Variants in KANSL1 observed in about 807,000 individuals in gnomAD.
KANSL1 encodes the protein MLL1/MLL complex subunit KANSL1.
In KANSL1, 22 loss-of-function variants were observed where a neutral mutation model predicts 103.6. The ratio of observed to expected loss-of-function variants is 0.21; its 90% CI spans 0.15 to 0.30. The LOEUF (loss-of-function observed/expected upper bound fraction) is 0.30. KANSL1 is among the 10% of genes least tolerant of loss of function. The pLI is 1.00. For synonymous variants in KANSL1, 600 were observed against 527.6 expected, an observed-to-expected ratio of 1.14 and a Z score of -1.88; for missense variants, 1,337 against 1,399.8, an observed-to-expected ratio of 0.96 and a Z score of 0.72.
In KANSL1 at chr17:46,170,894, T is replaced by C. The variant is rs2046249754; in HGVS notation, c.1250A>G (p.Glu417Gly). The C allele has an allele frequency of 6.2e-7, 1 of 1,613,684 alleles. No individual in the cohort carries two copies. The highest frequency in any genetic ancestry group is 8.5e-7 in the Non-Finnish European group (1 of 1,179,816). Reference sequence around the variant, plus strand: ...CTGCTCGGGATCAGCTCTGGTCAGTTCTTCCTCTTCAATATCAGACTCCCC... The same window carrying C: ...CTGCTCGGGATCAGCTCTGGTCAGTCCTTCCTCTTCAATATCAGACTCCCC... ...SGGESDIEEEELTRADPEQRH... is the reference protein window; with the variant it reads ...SGGESDIEEEGLTRADPEQRH... The change falls in exon 2 of 15, where the codon GAA becomes GGA. Residue 417 changes from glutamate (E) to glycine (G), a missense_variant. This residue lies in a region of KANSL1 where 780 missense variants were observed against 923.4 expected (regional missense o/e 0.84). Transcript: ENST00000432791.
At chr17:46,037,061 G>A (rs919550432) in intron 10 of KANSL1, among the ~76,000 whole-genome samples, 2 of 152,124 alleles carry the variant, frequency 1.3e-5, no homozygotes, top group African/African-American at 4.8e-5. Flanking sequence ...ACTTGGCAAT[G>A]AGAGAGCCTC....
chr17:46,090,306 G>A (rs1023278238), intron 3 of KANSL1, among the ~76,000 whole-genome samples: 17 of 152,180 alleles, frequency 1.1e-4, no homozygotes, highest in Admixed American at 3.3e-4. Flanking sequence ...CCTCCAGAAC[G>A]GTGAGAGAAC....
At chr17:46,079,087 A>G (rs1283340287) in intron 4 of KANSL1, among the ~76,000 whole-genome samples, 1 of 152,186 alleles carries the variant, frequency 6.6e-6, no homozygotes, top group Non-Finnish European at 1.5e-5. Context: ...CCCTTTCTCT[A>G]ACCCACTACT....
chr17:46,220,228 T>TTG (rs1214557494), intron 1 of KANSL1, among the ~76,000 whole-genome samples: 8 of 152,132 alleles, frequency 5.3e-5, no homozygotes, highest in Admixed American at 4.6e-4. Context: ...AATTTTTTTT[T>TTG]TTTTTTGAGA....
At chr17:46,082,409 C>A in intron 4 of KANSL1, 32 bp downstream of exon 4, 2 of 1,408,302 alleles carry the variant, frequency 1.4e-6, no homozygotes, top group Non-Finnish European at 2.0e-6. Context: ...TTAATTCTCA[C>A]GCATTTCCCC....
chr17:46,080,738 T>C (rs923370326), intron 4 of KANSL1, among the ~76,000 whole-genome samples: 11 of 138,572 alleles, frequency 7.9e-5, no homozygotes, highest in Non-Finnish European at 1.6e-4. Context: ...CTTCTCTTAA[T>C]ACTTTCTGAA....
chr17:46,038,516 C>G (rs762076648), intron 10 of KANSL1, 22 bp downstream of exon 10: 1 of 1,612,126 alleles, frequency 6.2e-7, no homozygotes, highest in Admixed American at 1.7e-5. Flanking sequence ...GGGTGTCCGG[C>G]CAACCCCACA....
intron 4 of KANSL1, among the ~76,000 whole-genome samples, chr17:46,072,202 A>C (rs1380055120): frequency 1.3e-5 from 2 of 152,176 alleles, no homozygotes; most frequent in Non-Finnish European, 2.9e-5. Context: ...ACCAATGTCT[A>C]CTAGATTTGT....
chr17:46,095,459 C>A (rs2042020742), intron 2 of KANSL1, among the ~76,000 whole-genome samples: 1 of 152,184 alleles, frequency 6.6e-6, no homozygotes, highest in South Asian at 2.1e-4. Flanking sequence ...GAACTAGATA[C>A]ATAAAAGATA....
intron 2 of KANSL1, among the ~76,000 whole-genome samples, chr17:46,159,074 T>C (rs2045591112): frequency 6.6e-6 from 1 of 152,168 alleles, no homozygotes; most frequent in African/African-American, 2.4e-5. Flanking sequence ...GAAAAGCAGG[T>C]GAGTAGGCCT....
At chr17:46,131,859 C>T (rs550169978) in intron 2 of KANSL1, among the ~76,000 whole-genome samples, 1 of 152,248 alleles carries the variant, frequency 6.6e-6, no homozygotes, top group African/African-American at 2.4e-5. Flanking sequence ...CTAGGCACGG[C>T]GGCTCATGCC....
At chr17:46,083,922 C>T (rs947744200) in intron 3 of KANSL1, among the ~76,000 whole-genome samples, 1 of 152,122 alleles carries the variant, frequency 6.6e-6, no homozygotes, top group South Asian at 2.1e-4. Context: ...AACTAAAAAA[C>T]CAATATGAAA....
intron 2 of KANSL1, among the ~76,000 whole-genome samples, chr17:46,120,548 AAGAC>A (rs1175736858): frequency 1.3e-5 from 2 of 152,226 alleles, no homozygotes; most frequent in African/African-American, 2.4e-5. Flanking sequence ...CACTAAATAA[AAGAC>A]AGACCCCCAG....
At chr17:46,135,484 A>G (rs1353456231) in intron 2 of KANSL1, among the ~76,000 whole-genome samples, 15 of 152,178 alleles carry the variant, frequency 9.9e-5, no homozygotes, top group Non-Finnish European at 1.9e-4. Context: ...AGACATTCTA[A>G]AAGATTCAAT....
intron 7 of KANSL1, 23 bp from the exon 8 acceptor site, chr17:46,039,907 C>T: frequency 6.2e-7 from 1 of 1,611,934 alleles, no homozygotes; most frequent in Non-Finnish European, 8.5e-7. Context: ...TAAAATGCTA[C>T]AGGTTAGTCC....
chr17:46,098,859 G>C (rs1449309508), intron 2 of KANSL1, among the ~76,000 whole-genome samples: 1 of 152,202 alleles, frequency 6.6e-6, no homozygotes, highest in Non-Finnish European at 1.5e-5. Flanking sequence ...GAAGTATCTT[G>C]TGTTCAAAAT....
At chr17:46,107,462 G>T (rs4510068) in intron 2 of KANSL1, among the ~76,000 whole-genome samples, 58,561 of 151,402 alleles carry the variant, frequency 0.39, 11,495 homozygotes, top group Admixed American at 0.45. Flanking sequence ...ACAAAGGTGA[G>T]TACTCCCTCC....
At chr17:46,122,465 A>G (rs2043323897) in intron 2 of KANSL1, among the ~76,000 whole-genome samples, 2 of 152,232 alleles carry the variant, frequency 1.3e-5, no homozygotes, top group Admixed American at 6.5e-5. Flanking sequence ...ACTTTTAATC[A>G]TATTCCTAAC....
chr17:46,078,685 T>A (rs1264160929), intron 4 of KANSL1, among the ~76,000 whole-genome samples: 50 of 152,244 alleles, frequency 3.3e-4, no homozygotes, highest in Non-Finnish European at 2.9e-5. Flanking sequence ...GTTGAGTAAT[T>A]TACCTAGTAA....
Sources: allele counts gnomAD v4.1 joint callset (sites outside exome capture counted in the v4.1 genomes callset), GRCh38; gene constraint gnomAD v4.1.1; regional missense constraint gnomAD v4.1.1; transcripts MANE v1.5; gene names NCBI Gene and HGNC (gene_info 2026-07-23, HGNC 2026-07-21).